The following AGBL1 variants were observed in gnomAD, a reference collection of about 807,000 sequenced individuals.
AGBL1 encodes the protein cytosolic carboxypeptidase 4.
A neutral mutation model predicts 118.9 loss-of-function variants in AGBL1; 130 were observed. The observed-to-expected ratio is 1.09, with a 90% CI of 0.95 to 1.26. The LOEUF is 1.26. AGBL1 is among the 50% of genes most tolerant of loss of function. The pLI is 0.00. For missense variants in AGBL1, 1,584 were observed against 1,298.1 expected (o/e 1.22, Z -3.38); for synonymous variants, 555 against 478.9 (o/e 1.16, Z -2.08).
At chr15:86,827,443 GTGTGTGTATATATATA>G (rs1567194825) in intron 22 of AGBL1, among the ~76,000 whole-genome samples, 1 of 4,552 alleles carries the variant, frequency 2.2e-4, no homozygotes, top group Admixed American at 4.2e-3. Flanking sequence ...ATATATATAT[GTGTGTGTATATATATA>G]TATATATATA....
At chr15:86,665,314 T>TA (rs1179101466) in intron 21 of AGBL1, among the ~76,000 whole-genome samples, 1 of 149,536 alleles carries the variant, frequency 6.7e-6, no homozygotes, top group Non-Finnish European at 1.5e-5. Context: ...TAAACACTAT[T>TA]AAGGCTTTCG....
intron 21 of AGBL1, among the ~76,000 whole-genome samples, chr15:86,662,756 T>C (rs1199250087): frequency 1.3e-5 from 2 of 152,186 alleles, no homozygotes; most frequent in East Asian, 3.9e-4. Flanking sequence ...AGGCAAATGC[T>C]AATCTGCAGA....
intron 3 of AGBL1, among the ~76,000 whole-genome samples, chr15:86,153,215 T>C (rs766713993): frequency 1.3e-5 from 2 of 152,196 alleles, no homozygotes; most frequent in Non-Finnish European, 2.9e-5. Context: ...TGCACACATA[T>C]GTTTATTTTG....
At chr15:86,371,671 ATG>A (rs1191622280) in intron 17 of AGBL1, among the ~76,000 whole-genome samples, 1 of 152,094 alleles carries the variant, frequency 6.6e-6, no homozygotes, top group Non-Finnish European at 1.5e-5. Context: ...AAGACCATTT[ATG>A]TGTGTGTCCC....
At chr15:86,998,727 T>C (rs2081403276) in intron 24 of AGBL1, among the ~76,000 whole-genome samples, 1 of 152,206 alleles carries the variant, frequency 6.6e-6, no homozygotes, top group Non-Finnish European at 1.5e-5. Flanking sequence ...TTCTGCAAAG[T>C]AAGGCTTTGG....
chr15:86,888,679 C>T (rs1246917021), intron 22 of AGBL1, among the ~76,000 whole-genome samples: 1 of 152,106 alleles, frequency 6.6e-6, no homozygotes, highest in Non-Finnish European at 1.5e-5. Context: ...CATCTGTTGC[C>T]TTACCCTTCA....
intron 20 of AGBL1, 107 bp from the exon 21 acceptor site, chr15:86,554,254 C>A (rs191025176): frequency 1.1e-6 from 1 of 948,436 alleles, no homozygotes; most frequent in Admixed American, 3.4e-5. Context: ...TTTAAAGTAA[C>A]GAGTATTTTA....
chr15:86,431,805 T>C (rs904846117), intron 18 of AGBL1, among the ~76,000 whole-genome samples: 1 of 152,188 alleles, frequency 6.6e-6, no homozygotes, highest in African/African-American at 2.4e-5. Flanking sequence ...CTTCTCTGAC[T>C]CTACTACCTT....
chr15:86,284,068 C>T (rs1237350927), intron 16 of AGBL1, among the ~76,000 whole-genome samples: 1 of 151,486 alleles, frequency 6.6e-6, no homozygotes, highest in Non-Finnish European at 1.5e-5. Context: ...GTGTCTACAT[C>T]TTGTAAGCAA....
chr15:86,679,468 G>C (rs1040764355), intron 22 of AGBL1, among the ~76,000 whole-genome samples: 2 of 152,016 alleles, frequency 1.3e-5, no homozygotes, highest in African/African-American at 2.4e-5. Flanking sequence ...ATACCTAAAA[G>C]TATTTCCAGG....
chr15:86,634,070 T>C (rs932304529), intron 21 of AGBL1, among the ~76,000 whole-genome samples: 1 of 152,024 alleles, frequency 6.6e-6, no homozygotes, highest in Admixed American at 6.6e-5. Flanking sequence ...TAGCTAGTAT[T>C]GGCAAGGACG....
intron 18 of AGBL1, among the ~76,000 whole-genome samples, chr15:86,402,812 C>G (rs1431722677): frequency 6.6e-6 from 1 of 152,096 alleles, no homozygotes; most frequent in Non-Finnish European, 1.5e-5. Context: ...GGAGTCCTGC[C>G]AAGCCAAGGA....
chr15:86,449,148 C>T (rs984725407), intron 18 of AGBL1, among the ~76,000 whole-genome samples: 3 of 151,990 alleles, frequency 2.0e-5, no homozygotes, highest in Non-Finnish European at 4.4e-5. Flanking sequence ...AAATGGAACT[C>T]AGAAAATAAA....
At chr15:86,120,850 C>T (rs1033357329) in intron 1 of AGBL1, among the ~76,000 whole-genome samples, 2 of 152,004 alleles carry the variant, frequency 1.3e-5, no homozygotes, top group Non-Finnish European at 2.9e-5. Flanking sequence ...GTATTTCCTA[C>T]TGCCTACTTC....
chr15:86,911,499 C>G lies in AGBL1; in HGVS notation c.*4205C>G, dbSNP rs1217959249. On this transcript the variant is annotated 3_prime_UTR_variant, in exon 23 of 23. Coordinates refer to ENST00000614907, the MANE Select transcript of AGBL1 (RefSeq NM_001386094.1). ...CTCAACAGATCCCTTTATAGCCTGG[C>G]CCCAATCTCCTTGACAGCCTCAGGT... 1 of 152,176 alleles carries G rather than the reference C, an allele frequency of 6.6e-6. No homozygotes were observed. The highest frequency in any genetic ancestry group is 1.5e-5 in the Non-Finnish European group (1 of 68,062). 9.4% of individuals were successfully genotyped at this position (152,176 alleles called of 1,614,324 possible).
At chr15:86,992,683 C>T (rs2081346091) in intron 24 of AGBL1, among the ~76,000 whole-genome samples, 1 of 151,224 alleles carries the variant, frequency 6.6e-6, no homozygotes, top group Non-Finnish European at 1.5e-5. Context: ...CTGAGTGTTT[C>T]TTGCCAACCA....
At chr15:86,622,887 T>C (rs575772231) in intron 21 of AGBL1, among the ~76,000 whole-genome samples, 1 of 152,310 alleles carries the variant, frequency 6.6e-6, no homozygotes, top group East Asian at 1.9e-4. Context: ...CATTTTCCTG[T>C]AACTAGACAG....
chr15:86,899,627 T>A lies in AGBL1; in HGVS notation c.3159-7460T>A, dbSNP rs187681555. ...ATAATACTTATATATATTTATTGGG[T>A]ATATCAAGTCTTGATTTGTTCTTCA... On this transcript the variant is annotated intron_variant, in intron 22 of 22. Transcript: ENST00000614907. Among the ~76,000 whole-genome samples the A allele has an allele frequency of 3.9e-4, 60 of 152,324 alleles. 3 individuals carry two copies. The highest frequency in any genetic ancestry group is 3.5e-3 in the East Asian group (18 of 5,180).
intron 22 of AGBL1, among the ~76,000 whole-genome samples, chr15:86,808,807 T>C (rs986221725): frequency 5.9e-5 from 9 of 151,898 alleles, no homozygotes; most frequent in African/African-American, 2.2e-4. Context: ...CATGGTTTCT[T>C]TAACTGCTTG....
Sources: allele counts gnomAD v4.1 joint callset (sites outside exome capture counted in the v4.1 genomes callset), GRCh38; gene constraint gnomAD v4.1.1; transcripts MANE v1.5; gene names NCBI Gene and HGNC (gene_info 2026-07-23, HGNC 2026-07-21).